The following SYNPO2 variants were observed in gnomAD, a reference collection of about 807,000 sequenced individuals.
The protein encoded by SYNPO2 is synaptopodin 2, also known as synaptopodin-2.
In SYNPO2, 56 loss-of-function variants were observed where a neutral mutation model predicts 85.0. The ratio of observed to expected loss-of-function variants is 0.66; its 90% CI spans 0.53 to 0.82. The LOEUF (loss-of-function observed/expected upper bound fraction) is 0.82. SYNPO2 is among the 40% of genes least tolerant of loss of function. The pLI, the probability that SYNPO2 is intolerant of heterozygous loss-of-function variation, is 0.00. For missense variants in SYNPO2, 1,575 were observed against 1,534.2 expected (o/e 1.03, Z -0.44); for synonymous variants, 602 against 591.1 (o/e 1.02, Z -0.27).
intron 1 of SYNPO2, among the ~76,000 whole-genome samples, chr4:118,988,152 C>T (rs1401984188): frequency 6.6e-6 from 1 of 152,138 alleles, no homozygotes; most frequent in Admixed American, 6.5e-5. Context: ...ATTTGAATAG[C>T]TAGAGCAAAT....
At chr4:118,894,026 G>A (rs574990887) in intron 1 of SYNPO2, among the ~76,000 whole-genome samples, 1 of 148,400 alleles carries the variant, frequency 6.7e-6, no homozygotes, top group African/African-American at 2.5e-5. Flanking sequence ...TAAAAAAGAA[G>A]ATATATATAT....
chr4:119,041,553 C>T (rs1012885295), intron 4 of SYNPO2, among the ~76,000 whole-genome samples: 3 of 151,964 alleles, frequency 2.0e-5, no homozygotes, highest in African/African-American at 4.8e-5. Context: ...TGGTGCAGAT[C>T]ATAATTCTTC....
intron 1 of SYNPO2, among the ~76,000 whole-genome samples, chr4:118,873,419 T>C (rs955394081): frequency 6.6e-6 from 1 of 152,212 alleles, no homozygotes; most frequent in African/African-American, 2.4e-5. Context: ...TAATATCTTA[T>C]TGTGGCTTTA....
At chr4:118,869,156 A>G (rs888120441) in intron 1 of SYNPO2, among the ~76,000 whole-genome samples, 13 of 152,180 alleles carry the variant, frequency 8.5e-5, no homozygotes, top group African/African-American at 3.1e-4. Context: ...TCCCAGGTTC[A>G]AGCAATTCTC....
intron 1 of SYNPO2, among the ~76,000 whole-genome samples, chr4:118,989,036 A>AGTCATTGAATTAGGCCAGAGC (rs1480796864): frequency 6.6e-6 from 1 of 152,218 alleles, no homozygotes; most frequent in African/African-American, 2.4e-5. Context: ...ATAAAACAAG[A>AGTCATTGAATTAGGCCAGAGC]GTCATTGAAT....
At chr4:119,033,544 C>G (rs1055276583) in intron 4 of SYNPO2, 1 of 985,266 alleles carries the variant, frequency 1.0e-6, no homozygotes, top group African/African-American at 1.7e-5. Flanking sequence ...TTTATGACAG[C>G]TCCAAGAAAA....
chr4:118,984,547 A>G (rs1560945493), intron 1 of SYNPO2, among the ~76,000 whole-genome samples: 1 of 152,098 alleles, frequency 6.6e-6, no homozygotes, highest in Non-Finnish European at 1.5e-5. Flanking sequence ...ACAGGCCAGC[A>G]CTCTGGATTC....
At chr4:118,907,778 T>C (rs1233266382) in intron 1 of SYNPO2, among the ~76,000 whole-genome samples, 1 of 152,146 alleles carries the variant, frequency 6.6e-6, no homozygotes, top group Non-Finnish European at 1.5e-5. Flanking sequence ...AAGGAAAAAC[T>C]ATACCAGCCA....
chr4:119,003,620 GAC>G (rs756437410), intron 1 of SYNPO2, among the ~76,000 whole-genome samples: 1 of 152,106 alleles, frequency 6.6e-6, no homozygotes, highest in Admixed American at 6.5e-5. Context: ...TCATTCTGGA[GAC>G]ATTAGTAATA....
intron 1 of SYNPO2, among the ~76,000 whole-genome samples, chr4:118,906,234 T>C (rs1027402270): frequency 6.6e-6 from 1 of 152,156 alleles, no homozygotes; most frequent in Admixed American, 6.5e-5. Context: ...AATAAGCAAC[T>C]TATATAAAGA....
At chr4:118,950,631 A>G (rs968824294) in intron 1 of SYNPO2, among the ~76,000 whole-genome samples, 3 of 152,158 alleles carry the variant, frequency 2.0e-5, no homozygotes, top group Non-Finnish European at 2.9e-5. Flanking sequence ...AGCCAGGTAG[A>G]GGAGGCAGTG....
chr4:118,966,069 C>T (rs924712317), intron 1 of SYNPO2, among the ~76,000 whole-genome samples: 17 of 152,150 alleles, frequency 1.1e-4, no homozygotes, highest in East Asian at 9.7e-4. Context: ...AATAAATAAG[C>T]CCATACCTCA....
chr4:119,032,279 G>A, intron 4 of SYNPO2: 3 of 1,394,548 alleles, frequency 2.2e-6, no homozygotes, highest in Non-Finnish European at 2.8e-6. Flanking sequence ...AAATCCAGGA[G>A]CACCCCAAAA....
chr4:119,031,549 A>T lies in SYNPO2; in HGVS notation c.2774A>T (p.Tyr925Phe). ...GTCCGAGCACCTCCTCCTGTGGCCT[A>T]TAATCCTATCCACTCGCCGTCTTAC... ...SNVRAPPPVA[Y>F]NPIHSPSYPL... The change falls in exon 4 of 5, where the codon TAT (tyrosine) becomes TTT (phenylalanine). Residue 925 changes from tyrosine to phenylalanine, a missense_variant. By Grantham distance (22) the Tyr-to-Phe change is conservative. Coordinates refer to ENST00000307142, the MANE Select transcript of SYNPO2 (RefSeq NM_133477.3). The T allele has an allele frequency of 6.2e-7, 1 of 1,614,154 alleles. No individual in the cohort carries two copies. Among genetic ancestry groups the T allele is most frequent in the South Asian group, 1.1e-5 (1 of 91,080 alleles).
At chr4:118,985,534 G>A (rs1415043372) in intron 1 of SYNPO2, among the ~76,000 whole-genome samples, 1 of 152,200 alleles carries the variant, frequency 6.6e-6, no homozygotes, top group Non-Finnish European at 1.5e-5. Context: ...GTAGACAGGA[G>A]GATCCTGTGT....
intron 1 of SYNPO2, among the ~76,000 whole-genome samples, chr4:118,926,622 C>T (rs532230962): frequency 6.6e-6 from 1 of 152,220 alleles, no homozygotes; most frequent in South Asian, 2.1e-4. Context: ...CACACAGCAA[C>T]CCTGAGAGCT....
In SYNPO2 at chr4:119,035,074, T is replaced by G. The variant is rs894308764; in HGVS notation, c.3252+3047T>G. 2.2e-5 allele frequency: 22 copies of G among 985,438 alleles called. No homozygotes were observed. The African/African-American group carries it at 3.5e-4, about 16-fold the overall frequency. The allele number at this position is 985,438 out of a possible 1,614,324, so 61.0% of individuals were successfully genotyped here. On this transcript the variant is annotated intron_variant, in intron 4 of 4. Coordinates refer to ENST00000307142, the MANE Select transcript of SYNPO2 (RefSeq NM_133477.3). ...CGACAATCATTTACGAGTTCCTATG[T>G]TATGTTAGGTGCCTTATGTATATTA... is the stretch of plus-strand genomic sequence containing the variant.
chr4:118,981,064 G>T lies in SYNPO2; in HGVS notation c.106-42366G>T, dbSNP rs533595431. Among the ~76,000 whole-genome samples the T allele has an allele frequency of 2.6e-5, 4 of 152,278 alleles. No homozygotes were observed. In the South Asian group the frequency reaches 6.2e-4, roughly 24 times the overall value. On this transcript the variant is annotated intron_variant, in intron 1 of 4. Coordinates refer to ENST00000307142, the MANE Select transcript of SYNPO2 (RefSeq NM_133477.3). Reference sequence around the variant, plus strand: ...TAAAGCACTCTTTCCTGCTCATTGCGCTGGTCCAGTTTATCTCTGTGCCCA... The same window carrying T: ...TAAAGCACTCTTTCCTGCTCATTGCTCTGGTCCAGTTTATCTCTGTGCCCA...
chr4:118,860,992 C>T (rs1307068497), intron 1 of SYNPO2, among the ~76,000 whole-genome samples: 1 of 152,152 alleles, frequency 6.6e-6, no homozygotes, highest in Non-Finnish European at 1.5e-5. Flanking sequence ...TGTCTCTTCA[C>T]TTTGTTGACT....
Sources: allele counts gnomAD v4.1 joint callset (sites outside exome capture counted in the v4.1 genomes callset), GRCh38; gene constraint gnomAD v4.1.1; transcripts MANE v1.5; gene names NCBI Gene and HGNC (gene_info 2026-07-23, HGNC 2026-07-21).